KLHL5: variants seen among roughly 807,000 people sequenced by gnomAD.
KLHL5 encodes the protein kelch like family member 5.
A neutral mutation model predicts 77.7 loss-of-function variants in KLHL5; 48 were observed. The observed-to-expected ratio is 0.62, with a 90% CI of 0.49 to 0.79. The LOEUF is 0.79. Among genes scored for constraint, KLHL5 ranks in the 30% least tolerant of loss-of-function variants. The probability of loss-of-function intolerance (pLI) is 0.00; values close to 1 mark genes in which losing one functional copy is unlikely to be tolerated. For synonymous variants in KLHL5, 260 were observed against 297.0 expected, an observed-to-expected ratio of 0.88 and a Z score of 1.28; for missense variants, 723 against 859.7, an observed-to-expected ratio of 0.84 and a Z score of 1.99.
At chr4:39,132,849 C>G in the KLHL5 span, among the ~76,000 whole-genome samples, 7 of 150,020 alleles carry the variant, frequency 4.7e-5, no homozygotes, top group Admixed American at 2.6e-4. Context: ...TATAATTACT[C>G]AAAATATGGT....
Position 39,076,144 on chromosome 4 carries a change from A to T in KLHL5, c.563A>T (p.His188Leu). ...LVAGDRRIPA[H>L]RLVLSSVSDY... ...GCTGGTGATCGCAGAATTCCAGCTC[A>T]CAGGTAGTTGTTTTCTATATTTCTG... The change falls in exon 2 of 11, where the codon CAC becomes CTC. Residue 188 changes from histidine (H) to leucine (L), a missense_variant. Physicochemically the swap from His to Leu is moderately conservative, Grantham distance 99. Around this residue, in one of 3 missense-constraint regions of KLHL5, gnomAD observed 221 missense variants for 222.1 expected, o/e 1.00. Coordinates refer to ENST00000504108, the MANE Select transcript of KLHL5 (RefSeq NM_015990.5). 6.2e-7 allele frequency: 1 copy of T among 1,602,624 alleles called. No individual in the cohort carries two copies. Among genetic ancestry groups the T allele is most frequent in the East Asian group, 2.2e-5 (1 of 44,618 alleles).
intron 5 of KLHL5, among the ~76,000 whole-genome samples, chr4:39,088,469 G>A (rs76714256): frequency 0.015 from 2,234 of 152,214 alleles, 55 homozygotes; most frequent in African/African-American, 0.051. Context: ...AACATCATAG[G>A]GCTAATAAGA....
At chr4:39,093,282 A>G in intron 5 of KLHL5, 1 of 430,254 alleles carries the variant, frequency 2.3e-6, no homozygotes, top group Non-Finnish European at 4.7e-6. Context: ...GATTCTCTGT[A>G]TATGAAATGT....
At position 39,096,669 on chromosome 4, in the gene KLHL5, A is replaced by G. The variant is rs768168044; in HGVS notation, c.1114-23A>G. On this transcript the variant is annotated intron_variant, in intron 5 of 10. Transcript: ENST00000504108. ...TACCATTTTCTTAGTCATTCAGTAT[A>G]CATACCTACTATTCTTTTCTAGTTC... 6.4e-6 allele frequency: 10 copies of G among 1,552,516 alleles called. No homozygotes were observed. In the South Asian group the frequency reaches 1.0e-4, roughly 16 times the overall value.
chr4:39,118,337 A>ATT lies in KLHL5; in HGVS notation c.2074-2662_2074-2661dup, dbSNP rs34368846. ...GGTGGAGTTAGAATTAGAGCCAAGG[A>ATT]TTTTTTTTTTTTGCTCCACAATAGA... On this transcript the variant is annotated intron_variant, in intron 10 of 10. Coordinates refer to ENST00000504108, the MANE Select transcript of KLHL5 (RefSeq NM_015990.5). Among the ~76,000 whole-genome samples, 305 of 148,764 alleles carry ATT rather than the reference A, an allele frequency of 2.1e-3. 1 individual carries two copies. Among genetic ancestry groups the ATT allele is most frequent in the Middle Eastern group, 6.9e-3 (2 of 290 alleles).
chr4:39,112,775 A>G (rs2381285), intron 8 of KLHL5: 243,551 of 440,484 alleles, frequency 0.55, 68,873 homozygotes, highest in Admixed American at 0.6. Flanking sequence ...GATGGCAGTG[A>G]TGAAACAGTT....
At chr4:39,102,720 A>C (rs1721695186) in intron 6 of KLHL5, among the ~76,000 whole-genome samples, 1 of 152,238 alleles carries the variant, frequency 6.6e-6, no homozygotes, top group South Asian at 2.1e-4. Flanking sequence ...AAGCAAAACA[A>C]AACAAAACCT....
intron 7 of KLHL5, among the ~76,000 whole-genome samples, chr4:39,106,116 G>C (rs937457550): frequency 2.6e-5 from 4 of 152,072 alleles, no homozygotes; most frequent in African/African-American, 9.7e-5. Context: ...TGTCCTGCAT[G>C]ATCTGGCTCC....
At chr4:39,115,665 G>A (rs909774649) in intron 10 of KLHL5, 9 of 1,299,660 alleles carry the variant, frequency 6.9e-6, no homozygotes, top group Non-Finnish European at 8.8e-6. Context: ...AACAAGGATA[G>A]TAGTCAGAAA....
intron 1 of KLHL5, among the ~76,000 whole-genome samples, chr4:39,052,297 T>C (rs2109251844): frequency 6.6e-6 from 1 of 152,044 alleles, no homozygotes; most frequent in East Asian, 1.9e-4. Flanking sequence ...ATTTTTTGTA[T>C]TTTTACTAGA....
the KLHL5 span, among the ~76,000 whole-genome samples, chr4:39,142,278 C>T: frequency 6.6e-6 from 1 of 151,836 alleles, no homozygotes; most frequent in Non-Finnish European, 1.5e-5. Context: ...GCCTGTAATC[C>T]TAGCTACTCC....
rs1319407786 is a variant in KLHL5, at chr4:39,082,023, A to G, written c.764A>G (p.Gln255Arg). ...CTGTTATCTACAGCTTGCCTTCTTCAGCTTTCACAGGTTGTAGAAGCATGC... is the reference window on the plus strand; with the variant it reads ...CTGTTATCTACAGCTTGCCTTCTTCGGCTTTCACAGGTTGTAGAAGCATGC... ...ECLLSTACLL[Q>R]LSQVVEACCK... The change falls in exon 4 of 11, where the codon CAG (glutamine) becomes CGG (arginine). Residue 255 changes from glutamine (Q) to arginine (R), a missense_variant. Gln to Arg is a conservative substitution (Grantham distance 43). Transcript: ENST00000504108. 1.2e-6 allele frequency: 2 copies of G among 1,613,342 alleles called. No individual in the cohort carries two copies. Among genetic ancestry groups the G allele is most frequent in the Non-Finnish European group, 1.7e-6 (2 of 1,179,816 alleles).
chr4:39,101,145 T>TGTATATACATATATATATATATAA (rs1721511597), intron 6 of KLHL5, among the ~76,000 whole-genome samples: 1 of 148,284 alleles, frequency 6.7e-6, no homozygotes, highest in Admixed American at 6.7e-5. Context: ...TATATATATA[T>TGTATATACATATATATATATATAA]ATCTACCTGA....
intron 8 of KLHL5, among the ~76,000 whole-genome samples, chr4:39,112,057 T>G (rs961580666): frequency 5.3e-5 from 8 of 152,154 alleles, no homozygotes; most frequent in African/African-American, 1.7e-4. Context: ...GTAAATTTAC[T>G]CTTTTAAAAA....
At position 39,125,273 on chromosome 4, in the gene KLHL5, C is replaced by T. The variant is rs1177877466; in HGVS notation, c.*4207C>T. Among the ~76,000 whole-genome samples, 1 of 134,348 alleles carries T rather than the reference C, an allele frequency of 7.4e-6. No individual in the cohort carries two copies. The highest frequency in any genetic ancestry group is 1.7e-5 in the Non-Finnish European group (1 of 58,956). The allele number at this position is 134,348 out of a possible 152,430, so 88.1% of individuals were successfully genotyped here. On this transcript the variant is annotated 3_prime_UTR_variant, in exon 11 of 11. Coordinates refer to ENST00000504108, the MANE Select transcript of KLHL5 (RefSeq NM_015990.5). ...TAAATGGTGTAGCCACTGTGGAAAA[C>T]AGTTTGGCAGTTCCTCAATAAGTTA... is the stretch of plus-strand genomic sequence containing the variant.
In KLHL5 at chr4:39,062,509, A is replaced by T; in HGVS notation, c.-144A>T. The stretch of plus-strand genomic sequence containing the variant: ...TATTGGCATAAAAGTAATTGTAGAT[A>T]TATATATGAATGTGATTTATTTTCC... On this transcript the variant is annotated 5_prime_UTR_variant, in exon 1 of 11. Coordinates refer to ENST00000504108, the MANE Select transcript of KLHL5 (RefSeq NM_015990.5). 2 of 1,599,048 alleles carry T rather than the reference A, an allele frequency of 1.3e-6. No homozygotes were observed. The highest frequency in any genetic ancestry group is 1.7e-6 in the Non-Finnish European group (2 of 1,168,286).
At position 39,081,669 on chromosome 4, in the gene KLHL5, C is replaced by CA. The variant is rs879362229; in HGVS notation, c.704-279dup. 0.012 allele frequency among the ~76,000 whole-genome samples: 1,424 copies of CA among 114,100 alleles called. 11 individuals carry two copies. Among genetic ancestry groups the CA allele is most frequent in the East Asian group, 0.049 (199 of 4,098 alleles). 74.9% of individuals were successfully genotyped at this position (114,100 alleles called of 152,430 possible). ...TGGGCAATAGAACAAGACCGTGTCT[C>CA]AAAAAAAAAAAAAAATTGAGAGTTA... is the stretch of plus-strand genomic sequence containing the variant. On this transcript the variant is annotated intron_variant, in intron 3 of 10. Coordinates refer to ENST00000504108, the MANE Select transcript of KLHL5 (RefSeq NM_015990.5). The surrounding 1 kb of genome is among the most constrained non-coding windows in gnomAD (Gnocchi z 4.3).
chr4:39,059,491 A>G (rs2711945), upstream of KLHL5, among the ~76,000 whole-genome samples: 10,860 of 152,224 alleles, frequency 0.071, 1,096 homozygotes, highest in African/African-American at 0.23. Context: ...TCACGCCTGT[A>G]ATCTCAGCAT....
At chr4:39,056,433 T>C (rs1487544168) in intron 1 of KLHL5, among the ~76,000 whole-genome samples, 1 of 152,204 alleles carries the variant, frequency 6.6e-6, no homozygotes, top group African/African-American at 2.4e-5. Flanking sequence ...AAATTTTCAT[T>C]TACCAATTAA....
Sources: allele counts gnomAD v4.1 joint callset (sites outside exome capture counted in the v4.1 genomes callset), GRCh38; gene constraint gnomAD v4.1.1; regional missense constraint gnomAD v4.1.1; non-coding constraint Gnocchi (gnomAD v3.1); transcripts MANE v1.5; gene names NCBI Gene and HGNC (gene_info 2026-07-23, HGNC 2026-07-21).